Variants in OSBPL2 observed in about 807,000 individuals in gnomAD.
OSBPL2 encodes the protein oxysterol binding protein like 2, also known as oxysterol-binding protein-related protein 2.
In OSBPL2, 18 loss-of-function variants were observed where a neutral mutation model predicts 58.4. That is an observed-to-expected ratio of 0.31 (90% CI 0.21 to 0.46). The LOEUF (loss-of-function observed/expected upper bound fraction) is 0.46, where lower values mean the gene tolerates loss of function less well. Among genes scored for constraint, OSBPL2 ranks in the 20% least tolerant of loss-of-function variants. OSBPL2 has a pLI of 1.00. For missense variants in OSBPL2, 461 were observed against 616.5 expected, an observed-to-expected ratio of 0.75 and a Z score of 2.67; for synonymous variants, 221 against 234.1, an observed-to-expected ratio of 0.94 and a Z score of 0.51.
At chr20:62,273,995 C>T (rs1982232754) in intron 6 of OSBPL2, among the ~76,000 whole-genome samples, 1 of 152,178 alleles carries the variant, frequency 6.6e-6, no homozygotes, top group African/African-American at 2.4e-5. Flanking sequence ...TTCTTCTAGG[C>T]AGCGTTGCCA....
At chr20:62,291,456 T>C in intron 12 of OSBPL2, 1 of 508,544 alleles carries the variant, frequency 2.0e-6, no homozygotes, top group Admixed American at 3.0e-5. Flanking sequence ...AGTAGTGCTG[T>C]CGTAGAACAC....
At chr20:62,254,711 G>T (rs1980804062) in intron 1 of OSBPL2, among the ~76,000 whole-genome samples, 1 of 152,254 alleles carries the variant, frequency 6.6e-6, no homozygotes, top group South Asian at 2.1e-4. Flanking sequence ...CTCTGGGCTG[G>T]TTTTTGTATT....
At chr20:62,245,731 C>T (rs1980060868) in intron 1 of OSBPL2, among the ~76,000 whole-genome samples, 1 of 152,224 alleles carries the variant, frequency 6.6e-6, no homozygotes, top group African/African-American at 2.4e-5. Flanking sequence ...GTGCCTCACT[C>T]GTGACGGGCT....
chr20:62,274,508 G>A (rs6121972), intron 6 of OSBPL2, among the ~76,000 whole-genome samples: 7,085 of 152,310 alleles, frequency 0.047, 297 homozygotes, highest in South Asian at 0.16. Flanking sequence ...GCACAGTTCA[G>A]CTGCTGTCTC....
intron 11 of OSBPL2, among the ~76,000 whole-genome samples, 155 bp from the exon 12 acceptor site, chr20:62,289,052 T>C (rs923306365): frequency 6.6e-6 from 1 of 152,152 alleles, no homozygotes; most frequent in Non-Finnish European, 1.5e-5. Context: ...GGCAGAGGCA[T>C]TGAATTTGCA....
intron 4 of OSBPL2, 21 bp downstream of exon 4, chr20:62,263,712 T>C: frequency 1.2e-6 from 2 of 1,603,248 alleles, no homozygotes; most frequent in Non-Finnish European, 1.7e-6. Context: ...GGGCCCGTGT[T>C]CACACATGGG....
intron 9 of OSBPL2, 194 bp downstream of exon 9, chr20:62,282,073 T>G (rs1050271166): frequency 4.6e-6 from 2 of 430,886 alleles, no homozygotes; most frequent in African/African-American, 2.0e-5. Context: ...TAAAAGGAAA[T>G]AAAGGGTATT....
At chr20:62,292,634 AGTTT>A (rs1436148012) in intron 13 of OSBPL2, among the ~76,000 whole-genome samples, 1 of 152,226 alleles carries the variant, frequency 6.6e-6, no homozygotes, top group East Asian at 1.9e-4. Context: ...AAAATGTTTT[AGTTT>A]GTTAGAAAAA....
intron 12 of OSBPL2, among the ~76,000 whole-genome samples, chr20:62,290,642 G>A (rs906899749): frequency 4.0e-5 from 6 of 148,802 alleles, no homozygotes; most frequent in Non-Finnish European, 8.9e-5. Flanking sequence ...GGACGGTCTC[G>A]ATCTCCTGAC....
intron 1 of OSBPL2, among the ~76,000 whole-genome samples, chr20:62,252,837 A>T (rs2145923381): frequency 6.6e-6 from 1 of 152,348 alleles, no homozygotes; most frequent in African/African-American, 2.4e-5. Flanking sequence ...GAGGAGTGAG[A>T]GAGACGCCTT....
rs1309059934 is a variant in OSBPL2 at position 62,281,790 on chromosome 20, A to G, written c.783A>G (p.Arg261=). Reference sequence around the variant, plus strand: ...AAACCTGTGTTTGTTTTTCTCACAGAACTGGACATAAGTGTGTGCTTCACT... The same window carrying G: ...AAACCTGTGTTTGTTTTTCTCACAGGACTGGACATAAGTGTGTGCTTCACT... ...QYGTVEILNH[R]TGHKCVLHFK... The change falls in exon 9 of 14, where the codon AGA becomes AGG. Residue 261 remains arginine (R), a splice_region_variant and synonymous_variant. Coordinates refer to ENST00000313733, the MANE Select transcript of OSBPL2 (RefSeq NM_144498.4). The G allele has an allele frequency of 7.5e-6, 12 of 1,602,564 alleles. No homozygotes were observed. The highest frequency in any genetic ancestry group is 1.6e-4 in the Middle Eastern group (1 of 6,064).
intron 4 of OSBPL2, among the ~76,000 whole-genome samples, chr20:62,267,575 C>G (rs1304097239): frequency 6.6e-6 from 1 of 152,194 alleles, no homozygotes; most frequent in East Asian, 1.9e-4. Context: ...AGGTCTGTTC[C>G]TACAGCTAGG....
At chr20:62,250,379 G>C (rs1980444873) in intron 1 of OSBPL2, among the ~76,000 whole-genome samples, 1 of 152,150 alleles carries the variant, frequency 6.6e-6, no homozygotes, top group Non-Finnish European at 1.5e-5. Context: ...ATGCAGATGT[G>C]GGGGTCTGAG....
At chr20:62,240,185 CT>C (rs1468696172) in intron 1 of OSBPL2, among the ~76,000 whole-genome samples, 1 of 152,110 alleles carries the variant, frequency 6.6e-6, no homozygotes, top group African/African-American at 2.4e-5. Flanking sequence ...TCTCTGACAC[CT>C]AGTGCGCACC....
chr20:62,249,900 G>C (rs528752293), intron 1 of OSBPL2, among the ~76,000 whole-genome samples: 90 of 152,338 alleles, frequency 5.9e-4, no homozygotes, highest in African/African-American at 2.1e-3. Context: ...GAAGTCCAGG[G>C]GTGGGCAGAT....
intron 4 of OSBPL2, among the ~76,000 whole-genome samples, chr20:62,268,756 T>C (rs767541072): frequency 1.7e-4 from 26 of 152,104 alleles, no homozygotes; most frequent in Non-Finnish European, 3.2e-4. Context: ...CCCACCACCA[T>C]GCCCAGCTAC....
Position 62,284,027 on chromosome 20 carries a change from A to C in OSBPL2, c.873-19A>C, listed in dbSNP as rs199784132. ...TGTAATGACTAAGACTTGTCTTTAA[A>C]AATCCCATTTAATTACAGCAAAAAG... On this transcript the variant is annotated intron_variant, in intron 9 of 13. Transcript: ENST00000313733. 1.2e-6 allele frequency: 2 copies of C among 1,606,390 alleles called. No homozygotes were observed. Among genetic ancestry groups the C allele is most frequent in the African/African-American group, 2.7e-5 (2 of 74,670 alleles).
intron 6 of OSBPL2, 142 bp downstream of exon 6, chr20:62,273,548 G>A: frequency 1.4e-6 from 1 of 701,988 alleles, no homozygotes; most frequent in Non-Finnish European, 2.4e-6. Context: ...GCGTTTGGAT[G>A]CTGTAGGCGA....
At chr20:62,280,986 C>A in intron 7 of OSBPL2, 72 bp from the exon 8 acceptor site, 2 of 1,220,258 alleles carry the variant, frequency 1.6e-6, no homozygotes, top group Non-Finnish European at 2.4e-6. Context: ...CCCGCCTGGT[C>A]GTTGCGTCTT....
Sources: allele counts gnomAD v4.1 joint callset (sites outside exome capture counted in the v4.1 genomes callset), GRCh38; gene constraint gnomAD v4.1.1; transcripts MANE v1.5; gene names NCBI Gene and HGNC (gene_info 2026-07-23, HGNC 2026-07-21).